Variants in COBLL1 observed in about 807,000 individuals in gnomAD.
COBLL1 encodes the protein cordon-bleu protein-like 1.
COBLL1 carries 50 observed loss-of-function variants against 94.8 expected under a neutral mutation model. The observed-to-expected ratio is 0.53, with a 90% CI of 0.42 to 0.67. The LOEUF is 0.67. Among genes scored for constraint, COBLL1 ranks in the 30% least tolerant of loss-of-function variants. The pLI is 0.00. For synonymous variants in COBLL1, 448 were observed against 473.8 expected (o/e 0.95, Z 0.71); for missense variants, 1,362 against 1,348.7 (o/e 1.01, Z -0.15).
rs190836203 is a variant in COBLL1, at chr2:164,762,189, T to C, written c.42-18314A>G. Among the ~76,000 whole-genome samples the C allele has an allele frequency of 3.9e-5, 6 of 152,366 alleles. No homozygotes were observed. The East Asian group carries it at 1.2e-3, about 29-fold the overall frequency. On this transcript the variant is annotated intron_variant, in intron 2 of 13. Coordinates refer to ENST00000652658, the MANE Select transcript of COBLL1 (RefSeq NM_001365672.2). ...CTAGCCTCAAGTGAATCCATAATTA[T>C]AGGCTTAATCCTTCCTTATAGGGCT...
At position 164,746,445 on chromosome 2, in the gene COBLL1, A is replaced by G. The variant is rs149754137; in HGVS notation, c.42-2570T>C. Among the ~76,000 whole-genome samples, 637 of 152,186 alleles carry G rather than the reference A, an allele frequency of 4.2e-3. 1 individual carries two copies. The highest frequency in any genetic ancestry group is 0.014 in the African/African-American group (569 of 41,526). The stretch of plus-strand genomic sequence containing the variant: ...ACTGCCTCACTTCTCACATTCTCCA[A>G]TGGTTTCTTGCCTCAACCAGAAAAG... On this transcript the variant is annotated intron_variant, in intron 2 of 13. Coordinates refer to ENST00000652658, the MANE Select transcript of COBLL1 (RefSeq NM_001365672.2).
At chr2:164,705,997 G>A (rs1248674872) in intron 7 of COBLL1, among the ~76,000 whole-genome samples, 1 of 152,196 alleles carries the variant, frequency 6.6e-6, no homozygotes, top group African/African-American at 2.4e-5. Context: ...TTGCGCCATT[G>A]CACTCGAGCC....
Position 164,726,133 on chromosome 2 carries a change from G to A in COBLL1, c.661+1836C>T, listed in dbSNP as rs539686759. On this transcript the variant is annotated intron_variant, in intron 5 of 13. Coordinates refer to ENST00000652658, the MANE Select transcript of COBLL1 (RefSeq NM_001365672.2). The stretch of plus-strand genomic sequence containing the variant: ...AGGGATATTAGAAATCAGTGCATTC[G>A]ACAACCTCAAAATGAGGCCAGAAAG... 1.9e-3 allele frequency among the ~76,000 whole-genome samples: 295 copies of A among 152,028 alleles called. 2 individuals are homozygous for A. Among genetic ancestry groups the A allele is most frequent in the Non-Finnish European group, 2.2e-3 (148 of 67,988 alleles).
chr2:164,792,380 C>T (rs771458627), intron 2 of COBLL1, among the ~76,000 whole-genome samples: 1 of 152,090 alleles, frequency 6.6e-6, no homozygotes, highest in African/African-American at 2.4e-5. Flanking sequence ...CCACCTGCCT[C>T]GGCCTTCCAA....
In COBLL1 at chr2:164,770,132, C is replaced by T. The variant is rs187601881; in HGVS notation, c.42-26257G>A. Among the ~76,000 whole-genome samples the T allele has an allele frequency of 3.3e-5, 5 of 152,250 alleles. No homozygotes were observed. In the East Asian group the frequency reaches 5.8e-4, roughly 18 times the overall value. On this transcript the variant is annotated intron_variant, in intron 2 of 13. Coordinates refer to ENST00000652658, the MANE Select transcript of COBLL1 (RefSeq NM_001365672.2). ...TAAATTCCTGAGAAGGGAGTTAACTCGTCCTCAGTTAGTAAACTGCAGCCC... is the reference window on the plus strand; with the variant it reads ...TAAATTCCTGAGAAGGGAGTTAACTTGTCCTCAGTTAGTAAACTGCAGCCC...
chr2:164,818,341 T>G (rs1020002812), intron 2 of COBLL1, among the ~76,000 whole-genome samples: 1 of 149,786 alleles, frequency 6.7e-6, no homozygotes, highest in Admixed American at 6.7e-5. Context: ...TATATGTATA[T>G]ATACATATGT....
At chr2:164,760,420 G>A (rs1031861778) in intron 2 of COBLL1, among the ~76,000 whole-genome samples, 1 of 152,118 alleles carries the variant, frequency 6.6e-6, no homozygotes, top group African/African-American at 2.4e-5. Context: ...TTAACATGAG[G>A]GAGTTTCTTT....
chr2:164,696,020 G>A (rs950887583), intron 11 of COBLL1, 184 bp from the exon 12 acceptor site: 71 of 521,668 alleles, frequency 1.4e-4, no homozygotes, highest in Admixed American at 1.5e-4. Context: ...GATTCATACA[G>A]ACTGAAGTTT....
chr2:164,692,019 C>T (rs1683627262), intron 13 of COBLL1, among the ~76,000 whole-genome samples: 1 of 152,040 alleles, frequency 6.6e-6, no homozygotes, highest in South Asian at 2.1e-4. Context: ...TGCAACTGGC[C>T]CATGTTGTGG....
intron 2 of COBLL1, among the ~76,000 whole-genome samples, chr2:164,762,886 C>T (rs762927594): frequency 2.9e-4 from 44 of 151,900 alleles, no homozygotes; most frequent in Non-Finnish European, 4.0e-4. Context: ...TTAGTAGAGA[C>T]GGGGTTTCAC....
At chr2:164,777,840 C>T (rs1291311427) in intron 2 of COBLL1, among the ~76,000 whole-genome samples, 1 of 152,142 alleles carries the variant, frequency 6.6e-6, no homozygotes. Flanking sequence ...CTAATTAATA[C>T]TCTGGGAAAC....
intron 1 of COBLL1, among the ~76,000 whole-genome samples, chr2:164,666,793 A>C (rs2105385091): frequency 6.6e-6 from 1 of 152,350 alleles, no homozygotes; most frequent in East Asian, 1.9e-4. Flanking sequence ...ATCCAGTCAC[A>C]TCTTCAGGCT....
At chr2:164,690,376 CTAAAG>C (rs1366106923) in intron 13 of COBLL1, among the ~76,000 whole-genome samples, 2 of 152,156 alleles carry the variant, frequency 1.3e-5, no homozygotes, top group South Asian at 4.2e-4. Context: ...TCAATAGAAC[CTAAAG>C]TAATTAGTTT....
At position 164,664,700 on chromosome 2, in the gene COBLL1, G is replaced by A. The variant is rs761094899; in HGVS notation, n.181+1147C>T. Among the ~76,000 whole-genome samples, 14 of 152,066 alleles carry A rather than the reference G, an allele frequency of 9.2e-5. 1 individual carries two copies. Among genetic ancestry groups the A allele is most frequent in the Admixed American group, 1.3e-4 (2 of 15,270 alleles). ...AGAACGGTTAATTTCTTCATAAGGC[G>A]TCTATTTATATTGAATAAATAAAAA... On this transcript the variant is annotated intron_variant and non_coding_transcript_variant, in intron 2 of 2. Transcript: ENST00000495084.
rs73013647 is a variant in COBLL1 at position 164,687,394 on chromosome 2, T to C, written c.3301-1362A>G. The C allele has an allele frequency of 3.7e-5, 31 of 839,690 alleles. 1 individual carries two copies. The highest frequency in any genetic ancestry group is 5.5e-5 in the South Asian group (4 of 73,344). 52.0% of individuals were successfully genotyped at this position (839,690 alleles called of 1,614,324 possible). ...CACCATGTCTTCAAATTCATCGACA[T>C]TGAACTTGGTGAAGCCCCATTTCTT... On this transcript the variant is annotated intron_variant, in intron 13 of 13. Coordinates refer to ENST00000652658, the MANE Select transcript of COBLL1 (RefSeq NM_001365672.2).
At chr2:164,805,317 CTCTCTCTCTCTCTCTCTCTCTATATATA>C (rs1210512799) in intron 2 of COBLL1, among the ~76,000 whole-genome samples, 3 of 35,652 alleles carry the variant, frequency 8.4e-5, no homozygotes, top group African/African-American at 2.2e-4. Context: ...CTCTCTCTCT[CTCTCTCTCTCTCTCTCTCTCTATATATA>C]TATATATATA....
intron 2 of COBLL1, among the ~76,000 whole-genome samples, chr2:164,805,337 C>CTATATATATATATATATATATA (rs71028444): frequency 3.5e-4 from 6 of 17,044 alleles, no homozygotes; most frequent in African/African-American, 6.9e-4. Context: ...CTCTCTCTCT[C>CTATATATATATATATATATATA]TATATATATA....
chr2:164,779,636 G>A, intron 2 of COBLL1: 1 of 470,194 alleles, frequency 2.1e-6, no homozygotes, highest in South Asian at 1.6e-5. Context: ...AGATTCTCAG[G>A]CCCAGGCAGG....
rs561019082 is a variant in COBLL1 at position 164,833,500 on chromosome 2, G to C, written c.41+7656C>G. Among the ~76,000 whole-genome samples the C allele has an allele frequency of 3.3e-5, 5 of 149,746 alleles. No individual in the cohort carries two copies. The East Asian group carries it at 9.8e-4, about 29-fold the overall frequency. Reference sequence around the variant, plus strand: ...GAGTCTCACTCTTTCGCCCAGGCCGGACTGCAGTGGCGTTATCCCGGCTCA... The same window carrying C: ...GAGTCTCACTCTTTCGCCCAGGCCGCACTGCAGTGGCGTTATCCCGGCTCA... On this transcript the variant is annotated intron_variant, in intron 2 of 13. Transcript: ENST00000652658.
Sources: allele counts gnomAD v4.1 joint callset (sites outside exome capture counted in the v4.1 genomes callset), GRCh38; gene constraint gnomAD v4.1.1; transcripts MANE v1.5; gene names NCBI Gene and HGNC (gene_info 2026-07-23, HGNC 2026-07-21).